TMEM213: variants seen among roughly 807,000 people sequenced by gnomAD.
TMEM213 encodes the protein transmembrane protein 213.
In TMEM213, 7 loss-of-function variants were observed where a neutral mutation model predicts 11.6. The observed-to-expected ratio is 0.60, with a 90% confidence interval of 0.34 to 1.13. The LOEUF (loss-of-function observed/expected upper bound fraction) is 1.13, where lower values mean the gene tolerates loss of function less well. TMEM213 is among the 50% of genes most tolerant of loss of function. The pLI is 0.03. For missense variants in TMEM213, 129 were observed against 139.0 expected, an observed-to-expected ratio of 0.93 and a Z score of 0.36; for synonymous variants, 60 against 58.3, an observed-to-expected ratio of 1.03 and a Z score of -0.13.
Position 138,806,667 on chromosome 7 carries a change from A to G in TMEM213, c.*3598A>G, listed in dbSNP as rs756380519. On this transcript the variant is annotated 3_prime_UTR_variant, in exon 3 of 3. Coordinates refer to ENST00000442682, the MANE Select transcript of TMEM213 (RefSeq NM_001085429.2). Reference sequence around the variant, plus strand: ...CCTCTAGCAGTGGACACTGTCCTCAACACAGCTACAGTTTATGTAACACAG... The same window carrying G: ...CCTCTAGCAGTGGACACTGTCCTCAGCACAGCTACAGTTTATGTAACACAG... 1 of 152,272 alleles carries G rather than the reference A, an allele frequency of 6.6e-6. No individual in the cohort carries two copies. The highest frequency in any genetic ancestry group is 6.5e-5 in the Admixed American group (1 of 15,284). The allele number at this position is 152,272 out of a possible 1,614,324, so 9.4% of individuals were successfully genotyped here.
intron 1 of TMEM213, among the ~76,000 whole-genome samples, chr7:138,800,704 CTT>C (rs36090112): frequency 2.3e-3 from 88 of 37,594 alleles, no homozygotes; most frequent in African/African-American, 7.2e-3. Context: ...TCTTCTTCTT[CTT>C]TTTTTTTTTT....
In TMEM213 at chr7:138,803,123, G is replaced by C; in HGVS notation, c.*54G>C. ...TCGCCACCAATTTGTGGCTAATGGGGAAGGGGAGTAAGGCTAACATGGTTT... is the reference window on the plus strand; with the variant it reads ...TCGCCACCAATTTGTGGCTAATGGGCAAGGGGAGTAAGGCTAACATGGTTT... On this transcript the variant is annotated 3_prime_UTR_variant, in exon 3 of 3. Coordinates refer to ENST00000442682, the MANE Select transcript of TMEM213 (RefSeq NM_001085429.2). The C allele has an allele frequency of 6.3e-7, 1 of 1,575,476 alleles. No homozygotes were observed. The highest frequency in any genetic ancestry group is 8.6e-7 in the Non-Finnish European group (1 of 1,159,252).
Position 138,803,078 on chromosome 7 carries a change from C to T in TMEM213, c.*9C>T, listed in dbSNP as rs1809000228. ...AGGACTTGCAAGCGTGAGACCCAGG[C>T]TCGGTGCACAAAATGGTGATCGCCA... On this transcript the variant is annotated 3_prime_UTR_variant, in exon 3 of 3. Coordinates refer to ENST00000442682, the MANE Select transcript of TMEM213 (RefSeq NM_001085429.2). 1 of 1,611,270 alleles carries T rather than the reference C, an allele frequency of 6.2e-7. No individual in the cohort carries two copies. Among genetic ancestry groups the T allele is most frequent in the Non-Finnish European group, 8.5e-7 (1 of 1,179,308 alleles).
intron 2 of TMEM213, among the ~76,000 whole-genome samples, chr7:138,802,465 T>C (rs1376062483): frequency 6.6e-6 from 1 of 151,022 alleles, no homozygotes; most frequent in African/African-American, 2.4e-5. Context: ...GCAGGAGAAT[T>C]GCTTGAACCC....
At position 138,800,842 on chromosome 7, in the gene TMEM213, G is replaced by C. The variant is rs571505807; in HGVS notation, c.83-485G>C. 1.4e-3 allele frequency among the ~76,000 whole-genome samples: 214 copies of C among 152,096 alleles called. 8 individuals carry two copies. In the South Asian group the frequency reaches 0.044, roughly 31 times the overall value. ...AGCCTCCCAAGTAGCTGGGATTACAGGCATGCACCACCACGCCCGGCTGCT... is the reference window on the plus strand; with the variant it reads ...AGCCTCCCAAGTAGCTGGGATTACACGCATGCACCACCACGCCCGGCTGCT... On this transcript the variant is annotated intron_variant, in intron 1 of 2. Transcript: ENST00000442682.
chr7:138,802,528 G>A (rs1211795840), intron 2 of TMEM213, among the ~76,000 whole-genome samples: 1 of 146,892 alleles, frequency 6.8e-6, no homozygotes, highest in African/African-American at 2.6e-5. Context: ...TCCAGCCTGG[G>A]CAACAGAGTG....
At position 138,806,721 on chromosome 7, in the gene TMEM213, T is replaced by A. The variant is rs141165135; in HGVS notation, c.*3652T>A. ...CCATATTATATGGGGCATGTCTGTA[T>A]CAAAATGTCATATGTAGAAATAAAG... On this transcript the variant is annotated 3_prime_UTR_variant, in exon 3 of 3. Coordinates refer to ENST00000442682, the MANE Select transcript of TMEM213 (RefSeq NM_001085429.2). 1.3e-5 allele frequency: 2 copies of A among 152,372 alleles called. No individual in the cohort carries two copies. The highest frequency in any genetic ancestry group is 4.8e-5 in the African/African-American group (2 of 41,588). The allele number at this position is 152,372 out of a possible 1,614,324, so 9.4% of individuals were successfully genotyped here.
In TMEM213 at chr7:138,805,396, A is replaced by G. The variant is rs1323192432; in HGVS notation, c.*2327A>G. The G allele has an allele frequency of 2.0e-4, 22 of 108,716 alleles. No individual in the cohort carries two copies. The highest frequency in any genetic ancestry group is 1.2e-3 in the African/African-American group (20 of 17,110). The allele number at this position is 108,716 out of a possible 1,614,324, so 6.7% of individuals were successfully genotyped here. ...GGCAACAAAGTGAGACCCTGTCTGG[A>G]AAAAAAAAAAAAAAAAGCGTCTGCA... is the stretch of plus-strand genomic sequence containing the variant. On this transcript the variant is annotated 3_prime_UTR_variant, in exon 3 of 3. Coordinates refer to ENST00000442682, the MANE Select transcript of TMEM213 (RefSeq NM_001085429.2).
In TMEM213 at chr7:138,802,908, T is replaced by C; in HGVS notation, c.163T>C (p.Phe55Leu). ...TGTCCCTTCCCCACCAGACGTGGAC[T>C]TCTGCCCACAAGCAGCCCGGTGCTG... ...GTLEQCLNVD[F>L]CPQAARCCRT... The change falls in exon 3 of 3, where the codon TTC becomes CTC. Residue 55 changes from phenylalanine (F) to leucine (L), a missense_variant. Coordinates refer to ENST00000442682, the MANE Select transcript of TMEM213 (RefSeq NM_001085429.2). 1 of 1,576,356 alleles carries C rather than the reference T, an allele frequency of 6.3e-7. No homozygotes were observed. The highest frequency in any genetic ancestry group is 8.6e-7 in the Non-Finnish European group (1 of 1,164,378).
rs770303931 is a variant in TMEM213, at chr7:138,798,223, A to G, written c.82+37A>G. The G allele has an allele frequency of 2.6e-5, 40 of 1,539,218 alleles. 1 individual carries two copies. In the South Asian group the frequency reaches 3.0e-4, roughly 11 times the overall value. ...AGCTTTATTCATGGCCAGGCTGGGA[A>G]GGGGGAGGGAAGGAGGGAAGAGAGG... On this transcript the variant is annotated intron_variant, in intron 1 of 2. Transcript: ENST00000442682.
chr7:138,799,814 C>T (rs954026007), intron 1 of TMEM213, among the ~76,000 whole-genome samples: 4 of 152,176 alleles, frequency 2.6e-5, no homozygotes, highest in Admixed American at 6.5e-5. Context: ...AATTACTATA[C>T]TTTAAGCAGG....
At position 138,798,177 on chromosome 7, in the gene TMEM213, T is replaced by TGCTCG; in HGVS notation, c.76_80dup (p.Glu28ArgfsTer12). On this transcript the variant is annotated frameshift_variant, in exon 1 of 3. Coordinates refer to ENST00000442682, the MANE Select transcript of TMEM213 (RefSeq NM_001085429.2). LOFTEE classifies it high-confidence loss of function. ...GGCCTTTGCCTCCCTCCACTCGGCTTGCTCGGCAGGTAGCGTTATGAGCTT... is the reference window on the plus strand; with the variant it reads ...GGCCTTTGCCTCCCTCCACTCGGCTTGCTCGGCTCGGCAGGTAGCGTTATGAGCTT... The TGCTCG allele has an allele frequency of 6.3e-7, 1 of 1,594,690 alleles. No individual in the cohort carries two copies. The highest frequency in any genetic ancestry group is 8.5e-7 in the Non-Finnish European group (1 of 1,171,184).
At chr7:138,800,707 T>TTCTTCTTCTTCTTCTTCTTCTTCTTC (rs1563030199) in intron 1 of TMEM213, among the ~76,000 whole-genome samples, 3 of 123,214 alleles carry the variant, frequency 2.4e-5, no homozygotes, top group Admixed American at 7.6e-5. Flanking sequence ...TCTTCTTCTT[T>TTCTTCTTCTTCTTCTTCTTCTTCTTC]TTTTTTTTTT....
chr7:138,802,434 C>G (rs929189413), intron 2 of TMEM213, among the ~76,000 whole-genome samples: 8 of 151,750 alleles, frequency 5.3e-5, no homozygotes, highest in Non-Finnish European at 4.4e-5. Context: ...GCCTGTAATC[C>G]CAGCTACTTG....
Position 138,798,031 on chromosome 7 carries a change from C to A in TMEM213, c.-74C>A. 1.3e-6 allele frequency: 2 copies of A among 1,553,430 alleles called. No homozygotes were observed. Among genetic ancestry groups the A allele is most frequent in the Non-Finnish European group, 1.7e-6 (2 of 1,148,276 alleles). On this transcript the variant is annotated 5_prime_UTR_variant, in exon 1 of 3. Transcript: ENST00000442682. The stretch of plus-strand genomic sequence containing the variant: ...CAGCTCCTGCAGGTGGGAGTCGACT[C>A]ACCTGCAGCAGGCACTCGGCACAAC...
chr7:138,801,716 T>TC, intron 2 of TMEM213: 1 of 348,382 alleles, frequency 2.9e-6, no homozygotes, highest in Non-Finnish European at 5.3e-6. Context: ...AATCATCTAG[T>TC]CCAACTTCCA....
chr7:138,800,159 G>T (rs2130261429), intron 1 of TMEM213, among the ~76,000 whole-genome samples: 1 of 152,284 alleles, frequency 6.6e-6, no homozygotes, highest in East Asian at 1.9e-4. Flanking sequence ...TCCCATGTCT[G>T]AGTGGTGCTT....
Position 138,805,558 on chromosome 7 carries a change from A to G in TMEM213, c.*2489A>G, listed in dbSNP as rs1809084766. ...AAGATTCATTAAGGTGCATGCTTTGATTTAACATCTGCAAACATTTAAAAA... is the reference window on the plus strand; with the variant it reads ...AAGATTCATTAAGGTGCATGCTTTGGTTTAACATCTGCAAACATTTAAAAA... On this transcript the variant is annotated 3_prime_UTR_variant, in exon 3 of 3. Transcript: ENST00000442682. 1 of 152,208 alleles carries G rather than the reference A, an allele frequency of 6.6e-6. No homozygotes were observed. The highest frequency in any genetic ancestry group is 1.5e-5 in the Non-Finnish European group (1 of 68,040). The allele number at this position is 152,208 out of a possible 1,614,324, so 9.4% of individuals were successfully genotyped here.
intron 1 of TMEM213, among the ~76,000 whole-genome samples, chr7:138,799,033 ACTCTTGAGCC>A (rs1808835468): frequency 6.6e-6 from 1 of 151,806 alleles, no homozygotes; most frequent in Admixed American, 6.6e-5. Context: ...CAAGACGTGC[ACTCTTGAGCC>A]GCTGAGCCTG....
Sources: allele counts gnomAD v4.1 joint callset (sites outside exome capture counted in the v4.1 genomes callset), GRCh38; gene constraint gnomAD v4.1.1; transcripts MANE v1.5; gene names NCBI Gene and HGNC (gene_info 2026-07-23, HGNC 2026-07-21).